The following MTMR10 variants were observed in gnomAD, a reference collection of about 807,000 sequenced individuals.
The protein encoded by MTMR10 is myotubularin related protein 10.
A neutral mutation model predicts 88.1 loss-of-function variants in MTMR10; 56 were observed. That is an observed-to-expected ratio of 0.64 (90% CI 0.51 to 0.79). The LOEUF (loss-of-function observed/expected upper bound fraction) is 0.79, where lower values mean the gene tolerates loss of function less well. Ranked by LOEUF, MTMR10 falls within the 30% of genes least tolerant of loss-of-function variation. The pLI, the probability that MTMR10 is intolerant of heterozygous loss-of-function variation, is 0.00. For synonymous variants in MTMR10, 380 were observed against 340.9 expected (o/e 1.11, Z -1.26); for missense variants, 883 against 924.7 (o/e 0.95, Z 0.58).
At chr15:30,991,169 C>G (rs920594007) in intron 1 of MTMR10, 100 of 476,992 alleles carry the variant, frequency 2.1e-4, no homozygotes, top group Non-Finnish European at 3.3e-4. Context: ...AAGAAAACCC[C>G]AGCTCCCAAG....
At position 30,991,313 on chromosome 15, in the gene MTMR10, A is replaced by T. The variant is rs1595958555; in HGVS notation, c.60+134T>A. On this transcript the variant is annotated intron_variant, in intron 1 of 15. Transcript: ENST00000435680. ...AGAAGGCGCATTTCGCGGCGCCGGGAATCAGGCAGCCGCGCTGCTGTGGGC... is the reference window on the plus strand; with the variant it reads ...AGAAGGCGCATTTCGCGGCGCCGGGTATCAGGCAGCCGCGCTGCTGTGGGC... 13 of 919,352 alleles carry T rather than the reference A, an allele frequency of 1.4e-5. No homozygotes were observed. In the East Asian group the frequency reaches 4.0e-4, roughly 28 times the overall value. The allele number at this position is 919,352 out of a possible 1,614,324, so 56.9% of individuals were successfully genotyped here.
chr15:30,974,503 T>C, intron 4 of MTMR10, 47 bp from the exon 5 acceptor site: 1 of 1,422,738 alleles, frequency 7.0e-7, no homozygotes, highest in Non-Finnish European at 9.4e-7. Flanking sequence ...TAACAGTTAT[T>C]TGTTACTCAC....
downstream of MTMR10, among the ~76,000 whole-genome samples, chr15:30,937,447 C>CTTT (rs11317050): frequency 6.3e-5 from 5 of 78,970 alleles, no homozygotes; most frequent in Non-Finnish European, 9.6e-5. Flanking sequence ...GGGTAATAAA[C>CTTT]TTTTTTTTTT....
intron 3 of MTMR10, 148 bp downstream of exon 3, chr15:30,976,671 T>TG: frequency 1.0e-6 from 1 of 952,618 alleles, no homozygotes; most frequent in Non-Finnish European, 1.5e-6. Context: ...TCTTAAACTT[T>TG]ACTTTAAATC....
chr15:30,976,171 C>T (rs1353415669), intron 3 of MTMR10, among the ~76,000 whole-genome samples: 2 of 150,292 alleles, frequency 1.3e-5, no homozygotes, highest in Non-Finnish European at 2.9e-5. Flanking sequence ...GAGGGGGAGG[C>T]AGGCAGATTG....
At chr15:30,951,738 G>A (rs1187716683) in intron 12 of MTMR10, among the ~76,000 whole-genome samples, 2 of 152,142 alleles carry the variant, frequency 1.3e-5, no homozygotes, top group African/African-American at 4.8e-5. Context: ...GACCTCAAGT[G>A]ATCCGCCCGC....
At chr15:30,966,800 G>A (rs996820552) in intron 6 of MTMR10, among the ~76,000 whole-genome samples, 18 of 149,756 alleles carry the variant, frequency 1.2e-4, no homozygotes, top group African/African-American at 4.2e-4. Flanking sequence ...ATATAATACT[G>A]TATGATAAAA....
chr15:30,925,304 C>G, the MTMR10 span: 1 of 1,610,536 alleles, frequency 6.2e-7, no homozygotes, highest in Non-Finnish European at 8.5e-7. Flanking sequence ...GAGGAAAGAG[C>G]CTGTGGGTGC....
Position 30,941,070 on chromosome 15 carries a change from T to A in MTMR10, c.*400A>T. 1.7e-6 allele frequency: 2 copies of A among 1,190,250 alleles called. No homozygotes were observed. The highest frequency in any genetic ancestry group is 1.1e-6 in the Non-Finnish European group (1 of 944,230). 73.7% of individuals were successfully genotyped at this position (1,190,250 alleles called of 1,614,324 possible). ...AATACTTCCTAAAACCTGCTGGAGG[T>A]TTTATCAGATGCTCCTAAAAATGAC... On this transcript the variant is annotated 3_prime_UTR_variant, in exon 16 of 16. Transcript: ENST00000435680.
At position 30,941,881 on chromosome 15, in the gene MTMR10, C is replaced by T. The variant is rs760389316; in HGVS notation, c.1923G>A (p.Leu641=). 6.2e-7 allele frequency: 1 copy of T among 1,614,036 alleles called. No individual in the cohort carries two copies. The highest frequency in any genetic ancestry group is 2.2e-5 in the East Asian group (1 of 44,882). ...FREWFSKPAN[L]HGVILPRVSG... ...AGACACGTGGCAGAATAACACCGTG[C>T]AGGTTGGCGGGTTTGGAAAACCATT... The change falls in exon 16 of 16, where the codon CTG becomes CTA. Residue 641 remains leucine, a synonymous_variant. Transcript: ENST00000435680.
At chr15:30,969,731 G>T (rs796973011) in intron 5 of MTMR10, among the ~76,000 whole-genome samples, 2 of 152,220 alleles carry the variant, frequency 1.3e-5, no homozygotes, top group African/African-American at 4.8e-5. Flanking sequence ...CCTCATTCTT[G>T]ATTCTTCACA....
chr15:30,940,840 T>G lies in MTMR10; in HGVS notation c.*630A>C, dbSNP rs551691871. ...TCAAAGGCACTTCTAAGTTTAATTATCTGCAGCAAATGCTTTAAAATTAAC... is the reference window on the plus strand; with the variant it reads ...TCAAAGGCACTTCTAAGTTTAATTAGCTGCAGCAAATGCTTTAAAATTAAC... On this transcript the variant is annotated 3_prime_UTR_variant, in exon 16 of 16. Transcript: ENST00000435680. The G allele has an allele frequency of 1.0e-6, 1 of 989,314 alleles. No individual in the cohort carries two copies. The highest frequency in any genetic ancestry group is 4.6e-5 in the South Asian group (1 of 21,626). The allele number at this position is 989,314 out of a possible 1,614,324, so 61.3% of individuals were successfully genotyped here.
chr15:30,978,574 C>T (rs542133182), intron 2 of MTMR10, among the ~76,000 whole-genome samples: 56 of 152,292 alleles, frequency 3.7e-4, no homozygotes, highest in African/African-American at 5.8e-4. Flanking sequence ...CACTGCTTGC[C>T]TACATATGCA....
chr15:30,944,196 G>A (rs1205537467), intron 14 of MTMR10, among the ~76,000 whole-genome samples: 1 of 152,058 alleles, frequency 6.6e-6, no homozygotes. Context: ...AACAGCACAG[G>A]GCATTTTGTA....
chr15:30,966,153 T>C (rs2063469680), intron 6 of MTMR10: 1 of 362,866 alleles, frequency 2.8e-6, no homozygotes, highest in South Asian at 2.1e-5. Flanking sequence ...CTGAAGGATG[T>C]AATATAAAAA....
Position 30,941,618 on chromosome 15 carries a change from G to A in MTMR10, c.2186C>T (p.Ser729Leu), listed in dbSNP as rs200305641. Reference protein sequence around the residue: ...NASGPHHTDTSGTPEFLSSSF... With the variant: ...NASGPHHTDTLGTPEFLSSSF... ...GGAGGAGAGAAACTCCGGTGTCCCC[G>A]AGGTGTCGGTGTGGTGAGGGCCGCT... The change falls in exon 16 of 16, where the codon TCG (serine) becomes TTG (leucine). Residue 729 changes from serine to leucine, a missense_variant. This residue lies in a region of MTMR10 where 343 missense variants were observed against 323.2 expected (regional missense o/e 1.06). Transcript: ENST00000435680. The A allele has an allele frequency of 2.2e-5, 35 of 1,603,824 alleles. No homozygotes were observed. The African/African-American group carries it at 3.3e-4, about 15-fold the overall frequency.
Position 30,939,661 on chromosome 15 carries a change from T to TA in MTMR10, c.*1808dup. 6 of 947,792 alleles carry TA rather than the reference T, an allele frequency of 6.3e-6. No individual in the cohort carries two copies. Among genetic ancestry groups the TA allele is most frequent in the Non-Finnish European group, 7.5e-6 (6 of 796,016 alleles). 58.7% of individuals were successfully genotyped at this position (947,792 alleles called of 1,614,324 possible). A position where few individuals can be genotyped will look rare whatever the true frequency, so the allele number is the denominator to read the frequency against. ...CAATAAAATACTACAAGAGTTAAAATAAACGTGAAGGAAGAAAATTACAGA... is the reference window on the plus strand; with the variant it reads ...CAATAAAATACTACAAGAGTTAAAATAAAACGTGAAGGAAGAAAATTACAGA... On this transcript the variant is annotated 3_prime_UTR_variant, in exon 16 of 16. Transcript: ENST00000435680.
At chr15:30,955,474 G>C (rs896893745) in intron 9 of MTMR10, among the ~76,000 whole-genome samples, 2 of 152,116 alleles carry the variant, frequency 1.3e-5, no homozygotes, top group Non-Finnish European at 2.9e-5. Flanking sequence ...GTTTCACCAT[G>C]TTGGCCAGGC....
At chr15:30,925,845 G>C in the MTMR10 span, 2 of 1,614,226 alleles carry the variant, frequency 1.2e-6, no homozygotes, top group African/African-American at 2.7e-5. Flanking sequence ...CTGTGTTTGT[G>C]ATGGAGGCCG....
Sources: allele counts gnomAD v4.1 joint callset (sites outside exome capture counted in the v4.1 genomes callset), GRCh38; gene constraint gnomAD v4.1.1; regional missense constraint gnomAD v4.1.1; transcripts MANE v1.5; gene names NCBI Gene and HGNC (gene_info 2026-07-23, HGNC 2026-07-21).